Variants in FANCC observed in about 807,000 individuals in gnomAD.
FANCC encodes the protein Fanconi anemia group C protein.
In FANCC, 55 loss-of-function variants were observed where a neutral mutation model predicts 71.3. The ratio of observed to expected loss-of-function variants is 0.77; its 90% CI spans 0.62 to 0.97. FANCC has a LOEUF of 0.97. FANCC is among the 50% of genes least tolerant of loss of function. The pLI is 0.00. For missense variants in FANCC, 678 were observed against 670.9 expected (o/e 1.01, Z -0.12); for synonymous variants, 275 against 244.9 (o/e 1.12, Z -1.15).
intron 12 of FANCC, chr9:95,114,327 C>A (rs2072216173): frequency 7.5e-6 from 3 of 400,434 alleles, no homozygotes; most frequent in South Asian, 6.5e-5. Context: ...TTTTCCAAGG[C>A]CTCTTCTTTT....
intron 6 of FANCC, among the ~76,000 whole-genome samples, chr9:95,151,639 C>T (rs1478703808): frequency 2.0e-5 from 3 of 152,096 alleles, no homozygotes; most frequent in African/African-American, 7.2e-5. Context: ...ACTGAATTGC[C>T]TTCCAAGGCC....
At chr9:95,269,203 C>T (rs557725902) in intron 1 of FANCC, among the ~76,000 whole-genome samples, 1 of 152,258 alleles carries the variant, frequency 6.6e-6, no homozygotes, top group Admixed American at 6.5e-5. Flanking sequence ...ATGAATACTG[C>T]CATTTCTAGA....
intron 4 of FANCC, among the ~76,000 whole-genome samples, chr9:95,213,846 G>A (rs1475619227): frequency 1.3e-5 from 2 of 152,116 alleles, no homozygotes; most frequent in Non-Finnish European, 2.9e-5. Flanking sequence ...AGACACTACA[G>A]ATACAGTAAA....
intron 6 of FANCC, among the ~76,000 whole-genome samples, chr9:95,158,497 CATAAT>C (rs1435829285): frequency 2.6e-5 from 4 of 152,024 alleles, no homozygotes; most frequent in African/African-American, 9.7e-5. Context: ...ACTGTTCACA[CATAAT>C]AGATCACTAT....
In FANCC at chr9:95,099,251, A is replaced by T. The variant is rs2071003276; in HGVS notation, c.*2456T>A. On this transcript the variant is annotated 3_prime_UTR_variant, in exon 15 of 15. Coordinates refer to ENST00000289081, the MANE Select transcript of FANCC (RefSeq NM_000136.3). ...ACCAGCATGCTTTATCAAAAACTAA[A>T]CTATCAGGGAGAGTCTACAAAAACT... 4.6e-6 allele frequency: 1 copy of T among 219,046 alleles called. No homozygotes were observed. Among genetic ancestry groups the T allele is most frequent in the Admixed American group, 5.8e-5 (1 of 17,200 alleles). The allele number at this position is 219,046 out of a possible 1,614,324, so 13.6% of individuals were successfully genotyped here. A position where few individuals can be genotyped will look rare whatever the true frequency, so the allele number is the denominator to read the frequency against.
intron 4 of FANCC, among the ~76,000 whole-genome samples, chr9:95,204,914 A>C (rs1828025802): frequency 6.6e-6 from 1 of 152,230 alleles, no homozygotes; most frequent in Admixed American, 6.5e-5. Context: ...GGAGCCCAAA[A>C]TAGCTTCAAA....
chr9:95,173,301 A>G (rs1825802896), intron 4 of FANCC, among the ~76,000 whole-genome samples: 1 of 152,194 alleles, frequency 6.6e-6, no homozygotes, highest in South Asian at 2.1e-4. Flanking sequence ...CAGAGGCAAC[A>G]CAGCCCGGAA....
chr9:95,103,518 G>A (rs910524377), intron 14 of FANCC, among the ~76,000 whole-genome samples: 1 of 152,216 alleles, frequency 6.6e-6, no homozygotes, highest in Non-Finnish European at 1.5e-5. Flanking sequence ...AGCCCCAGGG[G>A]TGGACTCCAT....
At position 95,249,332 on chromosome 9, in the gene FANCC, T is replaced by C. The variant is rs768624552; in HGVS notation, c.-41A>G. Reference sequence around the variant, plus strand: ...AAGGTGATGTCCCTTCACAGCAGCCTGTCCAGCACTGAAGGAAATGGTCGG... The same window carrying C: ...AAGGTGATGTCCCTTCACAGCAGCCCGTCCAGCACTGAAGGAAATGGTCGG... On this transcript the variant is annotated 5_prime_UTR_variant, in exon 2 of 15. Coordinates refer to ENST00000289081, the MANE Select transcript of FANCC (RefSeq NM_000136.3). 40 of 1,593,486 alleles carry C rather than the reference T, an allele frequency of 2.5e-5. No homozygotes were observed. In the East Asian group the frequency reaches 4.5e-4, roughly 18 times the overall value.
chr9:95,196,213 A>C (rs182444351), intron 4 of FANCC, among the ~76,000 whole-genome samples: 1 of 152,238 alleles, frequency 6.6e-6, no homozygotes, highest in East Asian at 1.9e-4. Context: ...TTCACTATTA[A>C]ATATGATATT....
At chr9:95,114,737 G>A in intron 11 of FANCC, 27 bp from the exon 12 acceptor site, 1 of 1,598,144 alleles carries the variant, frequency 6.3e-7, no homozygotes, top group Non-Finnish European at 8.6e-7. Flanking sequence ...ATACGTCAGA[G>A]GGCAACTGAG....
chr9:95,231,745 A>C (rs544395142), intron 4 of FANCC, among the ~76,000 whole-genome samples: 1 of 152,242 alleles, frequency 6.6e-6, no homozygotes, highest in Non-Finnish European at 1.5e-5. Flanking sequence ...GGTGCAAATC[A>C]AAGAGAGGGA....
In FANCC at chr9:95,236,741, G is replaced by A. The variant is rs552741597; in HGVS notation, c.345+3908C>T. Reference sequence around the variant, plus strand: ...GCTCCAGTAACACAGAATGACCCAAGATTTTATTACCACAATTAGAACATC... The same window carrying A: ...GCTCCAGTAACACAGAATGACCCAAAATTTTATTACCACAATTAGAACATC... On this transcript the variant is annotated intron_variant, in intron 4 of 14. Transcript: ENST00000289081. Among the ~76,000 whole-genome samples the A allele has an allele frequency of 2.0e-5, 3 of 152,258 alleles. 1 individual carries two copies. Among genetic ancestry groups the A allele is most frequent in the South Asian group, 4.2e-4 (2 of 4,814 alleles).
chr9:95,294,334 G>A, intron 1 of FANCC: 1 of 1,588,760 alleles, frequency 6.3e-7, no homozygotes, highest in Non-Finnish European at 8.6e-7. Context: ...GCCAGTCTTG[G>A]AGTCACTGGA....
chr9:95,173,185 G>A (rs1825791962), intron 4 of FANCC, among the ~76,000 whole-genome samples: 1 of 152,154 alleles, frequency 6.6e-6, no homozygotes, highest in African/African-American at 2.4e-5. Context: ...TAAGCTGTAT[G>A]GGGTTCTATG....
chr9:95,202,508 C>A (rs1827866760), intron 4 of FANCC, among the ~76,000 whole-genome samples: 1 of 152,244 alleles, frequency 6.6e-6, no homozygotes, highest in Admixed American at 6.5e-5. Context: ...AGTGAGGCAG[C>A]TTCCCACCAG....
chr9:95,151,961 A>G (rs949217793), intron 6 of FANCC, among the ~76,000 whole-genome samples: 1 of 151,000 alleles, frequency 6.6e-6, no homozygotes, highest in Non-Finnish European at 1.5e-5. Flanking sequence ...AAAACAAAAC[A>G]AAAAAAAACT....
At chr9:95,177,133 T>G (rs936806737) in intron 4 of FANCC, among the ~76,000 whole-genome samples, 87 of 152,224 alleles carry the variant, frequency 5.7e-4, no homozygotes, top group African/African-American at 1.9e-3. Context: ...CATCACAGAG[T>G]GTACTTACAT....
At chr9:95,284,359 A>G (rs975332084) in intron 1 of FANCC, among the ~76,000 whole-genome samples, 3 of 152,234 alleles carry the variant, frequency 2.0e-5, no homozygotes, top group Non-Finnish European at 2.9e-5. Flanking sequence ...TATGAGATGG[A>G]TAAGACAGTT....
Sources: gnomAD v4.1 joint callset for allele counts (sites outside exome capture counted in the v4.1 genomes callset) on GRCh38, gnomAD v4.1.1 for gene constraint, MANE v1.5 for transcripts, NCBI Gene and HGNC (gene_info 2026-07-23, HGNC 2026-07-21) for gene names.